Variants in PPP1R3F observed in about 807,000 individuals in gnomAD.
PPP1R3F encodes the protein protein phosphatase 1 regulatory subunit 3F.
A neutral mutation model predicts 24.2 loss-of-function variants in PPP1R3F; 29 were observed. The observed-to-expected ratio is 1.20, with a 90% CI of 0.89 to 1.63. PPP1R3F has a LOEUF of 1.63. Ranked by LOEUF, PPP1R3F falls within the 40% of genes most tolerant of loss-of-function variation. The probability of loss-of-function intolerance (pLI) is 0.00; values close to 1 mark genes in which losing one functional copy is unlikely to be tolerated. For missense variants in PPP1R3F, 823 were observed against 729.3 expected (o/e 1.13, Z -1.48); for synonymous variants, 363 against 340.1 (o/e 1.07, Z -0.74).
chrX:49,297,828 C>CTTTTTTTTTTTT (rs61353822), intron 3 of PPP1R3F, among the ~76,000 whole-genome samples: 27 of 19,619 alleles, frequency 1.4e-3, no homozygotes, highest in Admixed American at 3.1e-3. Flanking sequence ...GCAACCCCTG[C>CTTTTTTTTTTTT]TTTTTTTTTT....
In PPP1R3F at chrX:49,286,807, T is replaced by C; in HGVS notation, c.2117T>C (p.Leu706Pro). ...CTTCTGCAGGGGCAAAATCCCACCC[T>C]CCTCAGTCCCTTGGGGGCCGAAGTC... ...PVLLQGQNPT[L>P]LSPLGAEVCL... is the part of the protein sequence containing the mutation. The change falls in exon 4 of 4, where the codon CTC becomes CCC. Residue 706 changes from leucine (L) to proline (P), a missense_variant. By Grantham distance (98) the Leu-to-Pro change is moderately conservative. Coordinates refer to ENST00000055335, the MANE Select transcript of PPP1R3F (RefSeq NM_033215.5). The C allele has an allele frequency of 8.3e-7, 1 of 1,203,025 alleles. No individual in the cohort carries two copies. Among genetic ancestry groups the C allele is most frequent in the Non-Finnish European group, 1.1e-6 (1 of 890,401 alleles).
At chrX:49,279,986 G>A (rs1268821556) in intron 1 of PPP1R3F, among the ~76,000 whole-genome samples, 1 of 112,182 alleles carries the variant, frequency 8.9e-6, no homozygotes, top group African/African-American at 3.2e-5. Context: ...TTCAATCCCA[G>A]CTGTGTGTCA....
Position 49,270,422 on chromosome X carries a change from C to T in PPP1R3F, c.553C>T (p.His185Tyr). The change falls in exon 1 of 4, where the codon CAC becomes TAC. Residue 185 changes from histidine (H) to tyrosine (Y), a missense_variant. By Grantham distance (83) the His-to-Tyr change is moderately conservative. Transcript: ENST00000055335. ...FEKAVHVRAS[H>Y]DGWASFCDHP... ...GAAGGCGGTGCACGTGCGGGCCTCA[C>T]ACGACGGCTGGGCTTCCTTTTGCGA... is the stretch of plus-strand genomic sequence containing the variant. 2 of 1,187,883 alleles carry T rather than the reference C, an allele frequency of 1.7e-6. No individual in the cohort carries two copies. The highest frequency in any genetic ancestry group is 2.2e-6 in the Non-Finnish European group (2 of 889,005).
intron 3 of PPP1R3F, among the ~76,000 whole-genome samples, chrX:49,294,638 G>A (rs782799287): frequency 2.6e-4 from 28 of 109,694 alleles, no homozygotes; most frequent in Admixed American, 7.8e-4. Context: ...AGCCAGGCAG[G>A]GTGGCTCACG....
chrX:49,277,309 C>T (rs979248272), intron 1 of PPP1R3F, among the ~76,000 whole-genome samples: 20 of 112,382 alleles, frequency 1.8e-4, no homozygotes, highest in African/African-American at 5.8e-4. Flanking sequence ...GGAATTTGCA[C>T]GCCCAGGAGA....
chrX:49,280,118 G>C (rs1476343571), intron 1 of PPP1R3F, among the ~76,000 whole-genome samples: 3 of 111,718 alleles, frequency 2.7e-5, no homozygotes, highest in Non-Finnish European at 5.6e-5. Context: ...AGGCTGATAC[G>C]GGGACGAGAG....
intron 3 of PPP1R3F, among the ~76,000 whole-genome samples, chrX:49,297,479 G>A (rs1407394869): frequency 7.2e-5 from 8 of 110,718 alleles, no homozygotes; most frequent in Non-Finnish European, 1.9e-5. Flanking sequence ...CTCTCAAAGT[G>A]CGGGGATTAC....
rs201292950 is a variant in PPP1R3F, at chrX:49,286,624, G to A, written c.1934G>A (p.Gly645Glu). The change falls in exon 4 of 4, where the codon GGG (glycine) becomes GAG (glutamate). Residue 645 changes from glycine (G) to glutamate (E), a missense_variant. By Grantham distance (98) the Gly-to-Glu change is moderately conservative (BLOSUM62 -2). Transcript: ENST00000055335. ...EGQFIGDPEK[G>E]MGKDTSSLHM... ...CAGTTCATTGGGGATCCTGAGAAAGGGATGGGCAAGGACACCAGCTCTTTG... is the reference window on the plus strand; with the variant it reads ...CAGTTCATTGGGGATCCTGAGAAAGAGATGGGCAAGGACACCAGCTCTTTG... 2.2e-4 allele frequency: 270 copies of A among 1,209,317 alleles called. 1 individual carries two copies. In the East Asian group the frequency reaches 7.9e-3, roughly 35 times the overall value.
intron 1 of PPP1R3F, among the ~76,000 whole-genome samples, chrX:49,271,945 G>C (rs2147960757): frequency 8.9e-6 from 1 of 112,401 alleles, no homozygotes; most frequent in Admixed American, 9.4e-5. Flanking sequence ...GTTCTTTAAG[G>C]GCAGCAGCTA....
At chrX:49,271,189 A>G (rs2066177917) in intron 1 of PPP1R3F, among the ~76,000 whole-genome samples, 1 of 111,715 alleles carries the variant, frequency 9.0e-6, no homozygotes, top group Admixed American at 9.5e-5. Context: ...ATAAATAGGG[A>G]CAAAGTTAGC....
At position 49,280,234 on chromosome X, in the gene PPP1R3F, T is replaced by TTTTTGTTTTG. The variant is rs3060512; in HGVS notation, c.1005-1152_1005-1143dup. Among the ~76,000 whole-genome samples, 168 of 106,825 alleles carry TTTTTGTTTTG rather than the reference T, an allele frequency of 1.6e-3. 1 individual carries two copies. In the South Asian group the frequency reaches 0.023, roughly 15 times the overall value. The allele number at this position is 106,825 out of a possible 115,157, so 92.8% of individuals were successfully genotyped here. ...TACCTGCCATTTCTTAGAAAAGGTGTTTTTGTTTTGTTTTGTTTTGTTTTG... is the reference window on the plus strand; with the variant it reads ...TACCTGCCATTTCTTAGAAAAGGTGTTTTTGTTTTGTTTTGTTTTGTTTTGTTTTGTTTTG... On this transcript the variant is annotated intron_variant, in intron 1 of 3. Coordinates refer to ENST00000055335, the MANE Select transcript of PPP1R3F (RefSeq NM_033215.5).
At chrX:49,277,296 G>A (rs1476959552) in intron 1 of PPP1R3F, among the ~76,000 whole-genome samples, 7 of 112,427 alleles carry the variant, frequency 6.2e-5, no homozygotes, top group Admixed American at 2.8e-4. Flanking sequence ...CCTGATGGCC[G>A]GAGGAATTTG....
At chrX:49,273,017 C>T (rs1162130426) in intron 1 of PPP1R3F, 1 of 106,773 alleles carries the variant, frequency 9.4e-6, no homozygotes, top group Non-Finnish European at 1.9e-5. Context: ...CCCAGCATGT[C>T]GTGCTTTCCT....
chrX:49,270,708 A>G lies in PPP1R3F; in HGVS notation c.839A>G (p.Asn280Ser), dbSNP rs1324889505. 5.8e-6 allele frequency: 7 copies of G among 1,207,547 alleles called. No individual in the cohort carries two copies. Among genetic ancestry groups the G allele is most frequent in the South Asian group, 1.8e-5 (1 of 56,381 alleles). Residue 280 changes from asparagine to serine, a missense_variant, in exon 1 of 4, where the codon AAC becomes AGC. Transcript: ENST00000055335. ...GTFWANNHGRNYTVLLRIAPA... is the reference protein window; with the variant it reads ...GTFWANNHGRSYTVLLRIAPA... ...TTCTGGGCCAACAACCACGGCCGCA[A>G]CTACACAGTCCTGCTCCGGATCGCA...
intron 3 of PPP1R3F, 99 bp from the exon 4 acceptor site, chrX:49,285,735 T>G: frequency 1.1e-6 from 1 of 908,237 alleles, no homozygotes. Flanking sequence ...GGGCTGGCTG[T>G]GGGCTGTCAC....
chrX:49,291,772 T>C (rs184960220), downstream of PPP1R3F, among the ~76,000 whole-genome samples: 2 of 110,661 alleles, frequency 1.8e-5, no homozygotes, highest in African/African-American at 6.6e-5. Flanking sequence ...CTCTCCCTCC[T>C]CCTTGTGACT....
chrX:49,272,852 T>G (rs1557119520), intron 1 of PPP1R3F, among the ~76,000 whole-genome samples: 1 of 111,700 alleles, frequency 9.0e-6, no homozygotes, highest in Non-Finnish European at 1.9e-5. Flanking sequence ...CTCAGAGAGA[T>G]GAGCCAGCTT....
At chrX:49,301,250 A>T in intron 3 of PPP1R3F, 2 of 391,086 alleles carry the variant, frequency 5.1e-6, no homozygotes, top group Admixed American at 3.4e-5. Flanking sequence ...TTTTTTGTCT[A>T]TTTAATAAAA....
chrX:49,281,344 G>A, intron 1 of PPP1R3F, 62 bp from the exon 2 acceptor site: 1 of 918,856 alleles, frequency 1.1e-6, no homozygotes, highest in Non-Finnish European at 1.5e-6. Flanking sequence ...GGTGCCAGTG[G>A]GTGGCAGAAG....
Sources: gnomAD v4.1 joint callset for allele counts (sites outside exome capture counted in the v4.1 genomes callset) on GRCh38, gnomAD v4.1.1 for gene constraint, MANE v1.5 for transcripts, NCBI Gene and HGNC (gene_info 2026-07-23, HGNC 2026-07-21) for gene names.